SYNRG: variants seen among roughly 807,000 people sequenced by gnomAD.
SYNRG encodes synergin gamma.
SYNRG carries 37 observed loss-of-function variants against 130.9 expected under a neutral mutation model. The ratio of observed to expected loss-of-function variants is 0.28; its 90% CI spans 0.22 to 0.37. The LOEUF (loss-of-function observed/expected upper bound fraction) is 0.37, where lower values mean the gene tolerates loss of function less well. SYNRG is among the 10% of genes least tolerant of loss of function. The pLI, the probability that SYNRG is intolerant of heterozygous loss-of-function variation, is 1.00. For missense variants in SYNRG, 1,338 were observed against 1,588.9 expected (o/e 0.84, Z 2.68); for synonymous variants, 539 against 568.1 (o/e 0.95, Z 0.73).
At position 37,542,250 on chromosome 17, in the gene SYNRG, C is replaced by T. The variant is rs2057827635; in HGVS notation, c.2924G>A (p.Ser975Asn). 6.2e-7 allele frequency: 1 copy of T among 1,614,086 alleles called. No individual in the cohort carries two copies. The highest frequency in any genetic ancestry group is 1.7e-5 in the Admixed American group (1 of 60,006). Reference protein sequence around the residue: ...ASFKDTIPQTSEQKEYENRDY... With the variant: ...ASFKDTIPQTNEQKEYENRDY... ...TCTGTTTTCATATTCCTTTTGCTCACTGGTCTGAGGAATCGTGTCTTTAAA... is the reference window on the plus strand; with the variant it reads ...TCTGTTTTCATATTCCTTTTGCTCATTGGTCTGAGGAATCGTGTCTTTAAA... The change falls in exon 15 of 22, where the codon AGT becomes AAT. Residue 975 changes from serine to asparagine, a missense_variant. This residue lies in a region of SYNRG where 1,146 missense variants were observed against 1,342.3 expected (regional missense o/e 0.85). Transcript: ENST00000612223.
At chr17:37,538,131 A>G (rs2057387299) in intron 18 of SYNRG, among the ~76,000 whole-genome samples, 193 bp downstream of exon 18, 1 of 152,250 alleles carries the variant, frequency 6.6e-6, no homozygotes. Context: ...GGATGAGGAA[A>G]CTTAGCCATA....
chr17:37,603,458 A>G (rs1598683333), intron 1 of SYNRG, among the ~76,000 whole-genome samples: 1 of 152,216 alleles, frequency 6.6e-6, no homozygotes, highest in South Asian at 2.1e-4. Context: ...ATCACTATCT[A>G]TGGGCGTTAT....
rs1479408239 is a variant in SYNRG, at chr17:37,515,670, G to A, written c.*3270C>T. 6.6e-6 allele frequency: 1 copy of A among 152,234 alleles called. No individual in the cohort carries two copies. The highest frequency in any genetic ancestry group is 2.4e-5 in the African/African-American group (1 of 41,442). The allele number at this position is 152,234 out of a possible 1,614,324, so 9.4% of individuals were successfully genotyped here. A position where few individuals can be genotyped will look rare whatever the true frequency, so the allele number is the denominator to read the frequency against. On this transcript the variant is annotated 3_prime_UTR_variant, in exon 22 of 22. Coordinates refer to ENST00000612223, the MANE Select transcript of SYNRG (RefSeq NM_007247.6). Reference sequence around the variant, plus strand: ...GACAGGGTCTCGCCATGTTGGCCAGGCTGGTCTTGAACTCCTGACCTCGGG... The same window carrying A: ...GACAGGGTCTCGCCATGTTGGCCAGACTGGTCTTGAACTCCTGACCTCGGG...
intron 14 of SYNRG, among the ~76,000 whole-genome samples, chr17:37,549,508 T>G: frequency 6.6e-6 from 1 of 151,750 alleles, no homozygotes; most frequent in East Asian, 1.9e-4. Context: ...GTACTATGAG[T>G]GAAAAAAAAA....
intron 13 of SYNRG, among the ~76,000 whole-genome samples, chr17:37,554,859 T>C (rs1012749635): frequency 1.3e-5 from 2 of 152,186 alleles, no homozygotes; most frequent in Non-Finnish European, 1.5e-5. Context: ...ATACCAACTC[T>C]ATTATATAAA....
At chr17:37,566,658 T>A (rs976369945) in intron 11 of SYNRG, among the ~76,000 whole-genome samples, 2 of 151,844 alleles carry the variant, frequency 1.3e-5, no homozygotes, top group African/African-American at 2.4e-5. Context: ...AAAAAAAGTA[T>A]CATATACGAA....
rs1197446112 is a variant in SYNRG, at chr17:37,518,174, G to C, written c.*766C>G. 1 of 152,156 alleles carries C rather than the reference G, an allele frequency of 6.6e-6. No individual in the cohort carries two copies. The highest frequency in any genetic ancestry group is 1.5e-5 in the Non-Finnish European group (1 of 68,040). The allele number at this position is 152,156 out of a possible 1,614,324, so 9.4% of individuals were successfully genotyped here. A position where few individuals can be genotyped will look rare whatever the true frequency, so the allele number is the denominator to read the frequency against. ...AAATCTTGTCTGAGAAAACTCCATG[G>C]TCACAGTCTTTGCATGCGGCAGAAC... is the stretch of plus-strand genomic sequence containing the variant. On this transcript the variant is annotated 3_prime_UTR_variant, in exon 22 of 22. Coordinates refer to ENST00000612223, the MANE Select transcript of SYNRG (RefSeq NM_007247.6).
intron 13 of SYNRG, 67 bp downstream of exon 13, chr17:37,561,128 A>C: frequency 2.2e-6 from 3 of 1,341,462 alleles, no homozygotes; most frequent in Non-Finnish European, 3.2e-6. Flanking sequence ...CACTGAAAGA[A>C]CCATCGAAAA....
At chr17:37,540,334 G>C (rs1183967994) in intron 16 of SYNRG, 46 bp downstream of exon 16, 16 of 1,597,086 alleles carry the variant, frequency 1.0e-5, no homozygotes, top group African/African-American at 2.7e-5. Context: ...GGCCCTGTGT[G>C]CTTGCTGGTC....
intron 10 of SYNRG, among the ~76,000 whole-genome samples, chr17:37,570,282 G>C (rs1020203442): frequency 6.6e-6 from 1 of 151,758 alleles, no homozygotes; most frequent in African/African-American, 2.4e-5. Context: ...CTCCAGGGTA[G>C]CTGGGACTAC....
In SYNRG at chr17:37,558,361, C is replaced by T. The variant is rs565481355; in HGVS notation, c.1663+2834G>A. ...ATGTCCCAAGTTTGAGCATTCAATA[C>T]GTAAAGATAGAATGTGGTATTGTTC... On this transcript the variant is annotated intron_variant, in intron 13 of 21. Coordinates refer to ENST00000612223, the MANE Select transcript of SYNRG (RefSeq NM_007247.6). 3.3e-5 allele frequency among the ~76,000 whole-genome samples: 5 copies of T among 152,212 alleles called. No homozygotes were observed. In the South Asian group the frequency reaches 6.2e-4, roughly 19 times the overall value.
intron 3 of SYNRG, among the ~76,000 whole-genome samples, chr17:37,593,548 G>C (rs966823940): frequency 2.6e-5 from 4 of 152,000 alleles, no homozygotes; most frequent in Admixed American, 2.0e-4. Flanking sequence ...ATTGAGTTTC[G>C]GGGTGGGGGG....
At chr17:37,541,091 A>G in intron 15 of SYNRG, 1 of 985,644 alleles carries the variant, frequency 1.0e-6, no homozygotes, top group Non-Finnish European at 1.2e-6. Flanking sequence ...CTGATCTATC[A>G]CAAGTCTTCC....
At chr17:37,548,129 G>A (rs2058426621) in intron 14 of SYNRG, among the ~76,000 whole-genome samples, 1 of 152,114 alleles carries the variant, frequency 6.6e-6, no homozygotes, top group Non-Finnish European at 1.5e-5. Context: ...AAATAAAGCA[G>A]TCCTACATGG....
At chr17:37,568,148 G>C (rs1314765250) in intron 11 of SYNRG, 1 of 152,326 alleles carries the variant, frequency 6.6e-6, no homozygotes, top group Non-Finnish European at 1.5e-5. Context: ...AGGTTGCAGT[G>C]AGCCGAGATC....
At chr17:37,548,044 G>T (rs1050691107) in intron 14 of SYNRG, among the ~76,000 whole-genome samples, 1 of 152,184 alleles carries the variant, frequency 6.6e-6, no homozygotes, top group Non-Finnish European at 1.5e-5. Context: ...TACTCAATTT[G>T]TGAATGTATG....
At chr17:37,561,431 A>G (rs2059525625) in intron 12 of SYNRG, 40 bp downstream of exon 12, 1 of 1,542,922 alleles carries the variant, frequency 6.5e-7, no homozygotes, top group Admixed American at 1.7e-5. Context: ...ATAGTATGCA[A>G]TTTAGCATTC....
chr17:37,583,561 T>C (rs974086843), intron 6 of SYNRG, among the ~76,000 whole-genome samples: 2 of 152,214 alleles, frequency 1.3e-5, no homozygotes, highest in African/African-American at 4.8e-5. Context: ...GGGTTCAAGA[T>C]AAAATTTATC....
At chr17:37,540,625 C>A (rs2057662413) in intron 15 of SYNRG, 82 bp from the exon 16 acceptor site, 1 of 1,232,518 alleles carries the variant, frequency 8.1e-7, no homozygotes, top group Non-Finnish European at 1.1e-6. Flanking sequence ...TACCACAACC[C>A]TCTTCTTTTT....
Sources: allele counts gnomAD v4.1 joint callset (sites outside exome capture counted in the v4.1 genomes callset), GRCh38; gene constraint gnomAD v4.1.1; regional missense constraint gnomAD v4.1.1; transcripts MANE v1.5; gene names NCBI Gene and HGNC (gene_info 2026-07-23, HGNC 2026-07-21).